The following SYT16 variants were observed in gnomAD, a reference collection of about 807,000 sequenced individuals.
The protein encoded by SYT16 is synaptotagmin-16.
A neutral mutation model predicts 61.4 loss-of-function variants in SYT16; 42 were observed. That is an observed-to-expected ratio of 0.68 (90% CI 0.53 to 0.89). The LOEUF (loss-of-function observed/expected upper bound fraction) is 0.89. Among genes scored for constraint, SYT16 ranks in the 40% least tolerant of loss-of-function variants. The pLI is 0.00. For synonymous variants in SYT16, 314 were observed against 302.3 expected (o/e 1.04, Z -0.40); for missense variants, 804 against 807.3 (o/e 1.00, Z 0.05).
chr14:61,944,055 G>A (rs938437765), intron 1 of SYT16, among the ~76,000 whole-genome samples: 9 of 152,170 alleles, frequency 5.9e-5, no homozygotes, highest in African/African-American at 2.2e-4. Flanking sequence ...CAAAATCAGT[G>A]TGCAAAAATC....
Position 62,100,808 on chromosome 14 carries a change from A to T in SYT16, c.*101A>T. ...GCAAGGGTTTCAGGGTTTCAAAAAC[A>T]GATTCCACTAACCCCTAGGACATTG... On this transcript the variant is annotated 3_prime_UTR_variant, in exon 8 of 8. Coordinates refer to ENST00000683842, the MANE Select transcript of SYT16 (RefSeq NM_001367656.1). 8.3e-7 allele frequency: 1 copy of T among 1,198,272 alleles called. No individual in the cohort carries two copies. Among genetic ancestry groups the T allele is most frequent in the Non-Finnish European group, 1.2e-6 (1 of 869,310 alleles). 74.2% of individuals were successfully genotyped at this position (1,198,272 alleles called of 1,614,324 possible).
intron 1 of SYT16, among the ~76,000 whole-genome samples, chr14:61,869,230 A>G (rs761208267): frequency 1.3e-5 from 2 of 151,972 alleles, no homozygotes; most frequent in Non-Finnish European, 2.9e-5. Context: ...CCAATTTTAT[A>G]GTCTGTTTTT....
chr14:61,975,375 T>C (rs1008540420), intron 2 of SYT16, among the ~76,000 whole-genome samples: 2 of 152,192 alleles, frequency 1.3e-5, no homozygotes, highest in Non-Finnish European at 2.9e-5. Flanking sequence ...AATTGCCTCA[T>C]GTGTCAGTCC....
At chr14:62,026,833 T>A (rs2054120771) in intron 3 of SYT16, among the ~76,000 whole-genome samples, 1 of 152,210 alleles carries the variant, frequency 6.6e-6, no homozygotes, top group Non-Finnish European at 1.5e-5. Context: ...ATAGGTACTT[T>A]GACACTTTAA....
At chr14:61,870,125 T>C (rs1299470851) in intron 1 of SYT16, among the ~76,000 whole-genome samples, 1 of 152,224 alleles carries the variant, frequency 6.6e-6, no homozygotes, top group East Asian at 1.9e-4. Context: ...TTATTTGCCT[T>C]TTACTGAAGG....
chr14:62,059,414 G>C (rs904615672), intron 3 of SYT16, among the ~76,000 whole-genome samples: 1 of 151,918 alleles, frequency 6.6e-6, no homozygotes, highest in Non-Finnish European at 1.5e-5. Flanking sequence ...GAGTTGTAAA[G>C]GGTCTTTATA....
chr14:61,911,184 A>G (rs891405272), intron 1 of SYT16, among the ~76,000 whole-genome samples: 5 of 152,180 alleles, frequency 3.3e-5, no homozygotes, highest in Non-Finnish European at 5.9e-5. Context: ...GATTCCAACT[A>G]GGTAACTAGA....
intron 1 of SYT16, among the ~76,000 whole-genome samples, chr14:61,856,880 C>T (rs965370224): frequency 6.6e-5 from 10 of 151,946 alleles, no homozygotes; most frequent in African/African-American, 1.5e-4. Context: ...TGAGAAGGAG[C>T]GGTCAATGAG....
At chr14:61,943,163 C>A (rs1050060071) in intron 1 of SYT16, among the ~76,000 whole-genome samples, 11 of 151,984 alleles carry the variant, frequency 7.2e-5, no homozygotes, top group African/African-American at 2.7e-4. Flanking sequence ...ACACATACAC[C>A]CTCCCAAGAC....
chr14:61,924,681 T>A (rs1182087486), intron 1 of SYT16, among the ~76,000 whole-genome samples: 1 of 152,194 alleles, frequency 6.6e-6, no homozygotes, highest in Non-Finnish European at 1.5e-5. Context: ...GAAACCCTCT[T>A]GCTTATGAGA....
Position 62,111,509 on chromosome 14 carries a change from C to T in SYT16, c.*10802C>T, listed in dbSNP as rs2057608458. 1 of 152,034 alleles carries T rather than the reference C, an allele frequency of 6.6e-6. No homozygotes were observed. The allele number at this position is 152,034 out of a possible 1,614,324, so 9.4% of individuals were successfully genotyped here. A position where few individuals can be genotyped will look rare whatever the true frequency, so the allele number is the denominator to read the frequency against. On this transcript the variant is annotated 3_prime_UTR_variant, in exon 8 of 8. Transcript: ENST00000683842. ...AGTTTTGGTGGTTGTCAAAGGCAGT[C>T]AGTAATTTTATAAATTTCACTTTTG... is the stretch of plus-strand genomic sequence containing the variant.
chr14:61,834,615 T>C (rs895466352), intron 1 of SYT16, among the ~76,000 whole-genome samples: 1 of 151,884 alleles, frequency 6.6e-6, no homozygotes, highest in Non-Finnish European at 1.5e-5. Context: ...TTTTGTATTT[T>C]TAGTAGAGAT....
At position 61,859,149 on chromosome 14, in the gene SYT16, G is replaced by A. The variant is rs191447051; in HGVS notation, c.-325+46339G>A. Among the ~76,000 whole-genome samples the A allele has an allele frequency of 8.6e-3, 1,313 of 152,020 alleles. 18 individuals carry two copies. The highest frequency in any genetic ancestry group is 0.03 in the African/African-American group (1,232 of 41,464). On this transcript the variant is annotated intron_variant, in intron 1 of 7. Transcript: ENST00000683842. ...GTTGGGATTACAGGCGTGAGCCACC[G>A]CGCCCGGCCAGCCCCAAATCATTTT...
intron 1 of SYT16, among the ~76,000 whole-genome samples, chr14:61,918,501 AAT>A (rs2049205100): frequency 6.6e-6 from 1 of 152,262 alleles, no homozygotes; most frequent in South Asian, 2.1e-4. Context: ...TGAGGGAATA[AAT>A]GATGGTATAT....
intron 1 of SYT16, among the ~76,000 whole-genome samples, chr14:61,959,525 CT>C (rs1310419862): frequency 1.3e-5 from 2 of 152,058 alleles, no homozygotes; most frequent in African/African-American, 2.4e-5. Context: ...CACTTTATGT[CT>C]TCCCCCAACG....
intron 1 of SYT16, among the ~76,000 whole-genome samples, chr14:61,826,737 C>T (rs1000189535): frequency 6.6e-6 from 1 of 151,942 alleles, no homozygotes; most frequent in Non-Finnish European, 1.5e-5. Context: ...CTGGGACTCT[C>T]ATAACAAGAT....
At chr14:62,033,331 T>C (rs2054379071) in intron 3 of SYT16, among the ~76,000 whole-genome samples, 2 of 152,068 alleles carry the variant, frequency 1.3e-5, no homozygotes, top group South Asian at 4.1e-4. Context: ...GATAAGTGTA[T>C]AAATCTTGGT....
chr14:61,935,225 T>A (rs532064811), intron 1 of SYT16, among the ~76,000 whole-genome samples: 1 of 152,280 alleles, frequency 6.6e-6, no homozygotes, highest in African/African-American at 2.4e-5. Context: ...GCATGACCTT[T>A]CAATAGGGGA....
chr14:62,073,562 G>A (rs1181088392), intron 4 of SYT16, among the ~76,000 whole-genome samples: 1 of 152,114 alleles, frequency 6.6e-6, no homozygotes, highest in East Asian at 1.9e-4. Flanking sequence ...TGTTTCCAAG[G>A]GGTCTGAACT....
Sources: allele counts gnomAD v4.1 joint callset (sites outside exome capture counted in the v4.1 genomes callset), GRCh38; gene constraint gnomAD v4.1.1; transcripts MANE v1.5; gene names NCBI Gene and HGNC (gene_info 2026-07-23, HGNC 2026-07-21).